Variants in SPACA7 observed in about 807,000 individuals in gnomAD.
The protein encoded by SPACA7 is sperm acrosome associated 7.
In SPACA7, 19 loss-of-function variants were observed where a neutral mutation model predicts 26.3. The ratio of observed to expected loss-of-function variants is 0.72; its 90% CI spans 0.50 to 1.06. The LOEUF (loss-of-function observed/expected upper bound fraction) is 1.06. Among genes scored for constraint, SPACA7 ranks in the 50% least tolerant of loss-of-function variants. SPACA7 has a pLI of 0.00. For synonymous variants in SPACA7, 84 were observed against 84.5 expected, an observed-to-expected ratio of 0.99 and a Z score of 0.04; for missense variants, 211 against 229.9, an observed-to-expected ratio of 0.92 and a Z score of 0.53.
At chr13:112,401,254 A>G (rs534720697) in intron 5 of SPACA7, 90 bp downstream of exon 5, 1 of 881,206 alleles carries the variant, frequency 1.1e-6, no homozygotes, top group Non-Finnish European at 1.8e-6. Context: ...CCTCGCCAGT[A>G]TGCCTTGTTA....
rs1884232460 is a variant in SPACA7 at position 112,383,112 on chromosome 13, AAAGAAAAGAAAAGAAAG to A, written c.94+6636_94+6652del. ...AAAGAAAGAAAGAAGAAAGAAAAGA[AAAGAAAAGAAAAGAAAG>A]AAAGAAAGAAAGAAAGAAAGAAAGA... On this transcript the variant is annotated intron_variant, in intron 1 of 6. Coordinates refer to ENST00000283550, the MANE Select transcript of SPACA7 (RefSeq NM_145248.5). 4.0e-4 allele frequency among the ~76,000 whole-genome samples: 3 copies of A among 7,566 alleles called. No individual in the cohort carries two copies. The South Asian group carries it at 0.015, about 37-fold the overall frequency. 5.0% of individuals were successfully genotyped at this position (7,566 alleles called of 152,430 possible).
At chr13:112,394,289 G>A (rs1395538859) in intron 2 of SPACA7, among the ~76,000 whole-genome samples, 1 of 151,954 alleles carries the variant, frequency 6.6e-6, no homozygotes, top group African/African-American at 2.4e-5. Flanking sequence ...TGCTCACATC[G>A]ATGCCCTTGG....
chr13:112,425,538 C>T (rs777243891), intron 5 of SPACA7, among the ~76,000 whole-genome samples: 1 of 152,082 alleles, frequency 6.6e-6, no homozygotes, highest in Non-Finnish European at 1.5e-5. Flanking sequence ...ATTCGATTGG[C>T]ACCAACATTT....
At chr13:112,418,537 A>T (rs1298272298) in intron 5 of SPACA7, among the ~76,000 whole-genome samples, 1 of 152,228 alleles carries the variant, frequency 6.6e-6, no homozygotes, top group Non-Finnish European at 1.5e-5. Flanking sequence ...GGAATAGCTA[A>T]TCTGTGAAAC....
In SPACA7 at chr13:112,433,562, G is replaced by A. The variant is rs150514256; in HGVS notation, c.524-923G>A. ...CAGCCCCTCACTGTCCACAAGCGTGGGAAGCCGGCCAGCTCGTCCTTTGTT... is the reference window on the plus strand; with the variant it reads ...CAGCCCCTCACTGTCCACAAGCGTGAGAAGCCGGCCAGCTCGTCCTTTGTT... On this transcript the variant is annotated intron_variant, in intron 6 of 6. Coordinates refer to ENST00000283550, the MANE Select transcript of SPACA7 (RefSeq NM_145248.5). 7.9e-3 allele frequency among the ~76,000 whole-genome samples: 1,203 copies of A among 151,662 alleles called. 1 individual carries two copies. Among genetic ancestry groups the A allele is most frequent in the African/African-American group, 0.028 (1,140 of 41,342 alleles).
intron 6 of SPACA7, among the ~76,000 whole-genome samples, chr13:112,433,057 C>CT (rs929588274): frequency 1.3e-5 from 2 of 152,126 alleles, no homozygotes; most frequent in Non-Finnish European, 2.9e-5. Flanking sequence ...CTCCTAGGAG[C>CT]TTTCCAGAAC....
intron 6 of SPACA7, 58 bp from the exon 7 acceptor site, chr13:112,434,427 G>A: frequency 6.9e-7 from 1 of 1,440,334 alleles, no homozygotes; most frequent in Non-Finnish European, 9.6e-7. Context: ...TCCTGCCAGT[G>A]CCTCCATCTC....
chr13:112,408,883 C>A (rs1432744454), intron 5 of SPACA7, among the ~76,000 whole-genome samples: 2 of 151,982 alleles, frequency 1.3e-5, no homozygotes, highest in Admixed American at 1.3e-4. Flanking sequence ...TCATATGGAA[C>A]CAAAAAAGGG....
rs73580837 is a variant in SPACA7 at position 112,406,165 on chromosome 13, G to A, written c.445+5001G>A. Among the ~76,000 whole-genome samples, 345 of 152,052 alleles carry A rather than the reference G, an allele frequency of 2.3e-3. 3 individuals carry two copies. The highest frequency in any genetic ancestry group is 7.8e-3 in the African/African-American group (322 of 41,494). On this transcript the variant is annotated intron_variant, in intron 5 of 6. Coordinates refer to ENST00000283550, the MANE Select transcript of SPACA7 (RefSeq NM_145248.5). ...CCATGATGTTAAACATATTCATAAT[G>A]CTGTCTAACCATCACCACCATGTGT...
At chr13:112,427,806 A>G (rs1876679635) in intron 5 of SPACA7, among the ~76,000 whole-genome samples, 1 of 152,052 alleles carries the variant, frequency 6.6e-6, no homozygotes, top group Non-Finnish European at 1.5e-5. Context: ...TTCTCATTTC[A>G]CCTAAGTTGG....
At chr13:112,427,825 T>C (rs147683748) in intron 5 of SPACA7, among the ~76,000 whole-genome samples, 1,563 of 152,304 alleles carry the variant, frequency 0.01, 27 homozygotes, top group African/African-American at 0.036. Context: ...GGCAAAGTTA[T>C]TGGCAAAAGT....
intron 5 of SPACA7, among the ~76,000 whole-genome samples, chr13:112,422,889 C>A (rs1056728686): frequency 6.6e-6 from 1 of 152,122 alleles, no homozygotes; most frequent in Non-Finnish European, 1.5e-5. Flanking sequence ...GCAGAACTAA[C>A]ATCAGAATTT....
At position 112,401,134 on chromosome 13, in the gene SPACA7, C is replaced by A. The variant is rs1219754897; in HGVS notation, c.415C>A (p.Pro139Thr). ...SENYRGPQVS[P>T]GSEKSVSSKE... ...GAATTATCGTGGGCCACAGGTGTCT[C>A]CTGGCAGTGAGAAGAGTGTTTCCAG... Residue 139 changes from proline to threonine, a missense_variant, in exon 5 of 7, where the codon CCT becomes ACT. Transcript: ENST00000283550. 1 of 1,613,978 alleles carries A rather than the reference C, an allele frequency of 6.2e-7. No individual in the cohort carries two copies. The highest frequency in any genetic ancestry group is 8.5e-7 in the Non-Finnish European group (1 of 1,180,016).
At chr13:112,395,312 G>T (rs1885168424) in intron 2 of SPACA7, among the ~76,000 whole-genome samples, 1 of 152,222 alleles carries the variant, frequency 6.6e-6, no homozygotes, top group Admixed American at 6.5e-5. Flanking sequence ...AGCTGTCGAT[G>T]ATGGATGCAT....
chr13:112,377,904 G>A (rs1014165843), intron 1 of SPACA7, among the ~76,000 whole-genome samples: 2 of 152,212 alleles, frequency 1.3e-5, no homozygotes, highest in Non-Finnish European at 2.9e-5. Context: ...TTTATAGTTG[G>A]AAACACAGTT....
chr13:112,407,831 C>G (rs1886088299), intron 5 of SPACA7, among the ~76,000 whole-genome samples: 1 of 152,090 alleles, frequency 6.6e-6, no homozygotes, highest in Non-Finnish European at 1.5e-5. Context: ...CTATTCCAAT[C>G]AATAGAAAAA....
rs980732891 is a variant in SPACA7 at position 112,387,663 on chromosome 13, T to C, written c.95-5358T>C. Among the ~76,000 whole-genome samples, 6 of 152,324 alleles carry C rather than the reference T, an allele frequency of 3.9e-5. No individual in the cohort carries two copies. The South Asian group carries it at 8.3e-4, about 21-fold the overall frequency. ...CTTGCGGGCTCCCTTTCTATGCAGATTTCAGAAGAACGGAGTGGTTTCTGA... is the reference window on the plus strand; with the variant it reads ...CTTGCGGGCTCCCTTTCTATGCAGACTTCAGAAGAACGGAGTGGTTTCTGA... On this transcript the variant is annotated intron_variant, in intron 1 of 6. Coordinates refer to ENST00000283550, the MANE Select transcript of SPACA7 (RefSeq NM_145248.5).
chr13:112,376,582 T>G, intron 1 of SPACA7, 103 bp downstream of exon 1: 1 of 1,227,022 alleles, frequency 8.1e-7, no homozygotes, highest in South Asian at 1.5e-5. Context: ...CTACATGAAT[T>G]TACCATTTAT....
intron 5 of SPACA7, among the ~76,000 whole-genome samples, chr13:112,425,646 G>GAGAGACAGAA (rs1027877828): frequency 1.3e-5 from 2 of 152,082 alleles, no homozygotes; most frequent in African/African-American, 4.8e-5. Flanking sequence ...GAGAGACAGA[G>GAGAGACAGAA]AGAGAGAGAC....
Sources: allele counts gnomAD v4.1 joint callset (sites outside exome capture counted in the v4.1 genomes callset), GRCh38; gene constraint gnomAD v4.1.1; transcripts MANE v1.5; gene names NCBI Gene and HGNC (gene_info 2026-07-23, HGNC 2026-07-21).